The following TGM4 variants were observed in gnomAD, a reference collection of about 807,000 sequenced individuals.
TGM4 encodes the protein transglutaminase 4, also known as protein-glutamine gamma-glutamyltransferase 4.
Under a neutral mutation model 76.3 loss-of-function variants are expected in TGM4, and 61 were observed. That is an observed-to-expected ratio of 0.80 (90% CI 0.65 to 0.99). The LOEUF (loss-of-function observed/expected upper bound fraction) is 0.99. Among genes scored for constraint, TGM4 ranks in the 50% least tolerant of loss-of-function variants. The probability of loss-of-function intolerance (pLI) is 0.00; values close to 1 mark genes in which losing one functional copy is unlikely to be tolerated. For missense variants in TGM4, 794 were observed against 843.2 expected (o/e 0.94, Z 0.72); for synonymous variants, 337 against 329.8 (o/e 1.02, Z -0.24).
At chr3:44,901,413 C>G (rs574641886) in intron 6 of TGM4, 111 bp from the exon 7 acceptor site, 186 of 1,311,062 alleles carry the variant, frequency 1.4e-4, no homozygotes, top group Non-Finnish European at 1.8e-4. Flanking sequence ...CCTCCAAGTA[C>G]TCTGAGACAT....
At chr3:44,886,483 A>G (rs1475496805) in intron 2 of TGM4, among the ~76,000 whole-genome samples, 1 of 152,196 alleles carries the variant, frequency 6.6e-6, no homozygotes, top group African/African-American at 2.4e-5. Flanking sequence ...CAGTCAGAAC[A>G]GCCTCCATTC....
At position 44,890,592 on chromosome 3, in the gene TGM4, G is replaced by T. The variant is rs1374111173; in HGVS notation, c.301-11G>T. On this transcript the variant is annotated splice_polypyrimidine_tract_variant and intron_variant, in intron 3 of 13. Coordinates refer to ENST00000296125, the MANE Select transcript of TGM4 (RefSeq NM_003241.4). ...GGGGGAGATGTCCACCTTATCTTAT[G>T]GTTTGCTCAGGTCACAGTGGCTGTC... The T allele has an allele frequency of 6.2e-7, 1 of 1,613,520 alleles. No homozygotes were observed. Among genetic ancestry groups the T allele is most frequent in the Admixed American group, 1.7e-5 (1 of 59,946 alleles).
intron 4 of TGM4, among the ~76,000 whole-genome samples, chr3:44,891,512 T>TACAC (rs9311363): frequency 2.0e-4 from 29 of 148,124 alleles, no homozygotes; most frequent in East Asian, 1.2e-3. Context: ...CTCCCTCCTC[T>TACAC]ACACACACAC....
intron 5 of TGM4, among the ~76,000 whole-genome samples, chr3:44,895,527 G>A (rs1050656646): frequency 1.8e-4 from 27 of 152,292 alleles, no homozygotes; most frequent in Non-Finnish European, 3.2e-4. Context: ...GAGCTGTGGG[G>A]AGGGGGGACT....
intron 6 of TGM4, among the ~76,000 whole-genome samples, chr3:44,900,001 G>A (rs1382022570): frequency 1.3e-5 from 2 of 152,172 alleles, no homozygotes; most frequent in Admixed American, 6.5e-5. Context: ...ACTGGGTCTA[G>A]GAGAGGGGAT....
In TGM4 at chr3:44,911,018, A is replaced by G; in HGVS notation, c.1667A>G (p.Asp556Gly). Reference protein sequence around the residue: ...KTYINSLAILDDEPVIRGFII... With the variant: ...KTYINSLAILGDEPVIRGFII... ...TACATCAACAGCCTGGCTATATTAGATGATGAGCCAGTTATCAGAGGTTTC... is the reference window on the plus strand; with the variant it reads ...TACATCAACAGCCTGGCTATATTAGGTGATGAGCCAGTTATCAGAGGTTTC... Residue 556 changes from aspartate to glycine, a missense_variant, in exon 12 of 14, where the codon GAT becomes GGT. Transcript: ENST00000296125. The G allele has an allele frequency of 2.5e-6, 4 of 1,614,180 alleles. No individual in the cohort carries two copies. The Middle Eastern group carries it at 4.9e-4, about 200-fold the overall frequency.
rs1700002106 is a variant in TGM4, at chr3:44,911,285, A to G, written c.1792A>G (p.Arg598Gly). ...EFSIELPNTG[R>G]IGQLLVCNCI... ...CCTACTACAGTTGCCTAACACAGGCAGAATTGGCCAGCTACTTGTCTGCAA... is the reference window on the plus strand; with the variant it reads ...CCTACTACAGTTGCCTAACACAGGCGGAATTGGCCAGCTACTTGTCTGCAA... The change falls in exon 13 of 14, where the codon AGA becomes GGA. Residue 598 changes from arginine to glycine, a missense_variant. Coordinates refer to ENST00000296125, the MANE Select transcript of TGM4 (RefSeq NM_003241.4). 9 of 1,614,112 alleles carry G rather than the reference A, an allele frequency of 5.6e-6. No individual in the cohort carries two copies. Among genetic ancestry groups the G allele is most frequent in the Non-Finnish European group, 6.8e-6 (8 of 1,180,046 alleles).
chr3:44,885,285 T>C, intron 1 of TGM4, 40 bp from the exon 2 acceptor site: 1 of 1,559,034 alleles, frequency 6.4e-7, no homozygotes, highest in Non-Finnish European at 8.7e-7. Flanking sequence ...GAATAAACAT[T>C]CTCTGTGCTC....
chr3:44,883,197 C>T (rs1409633477), intron 1 of TGM4, among the ~76,000 whole-genome samples: 2 of 152,176 alleles, frequency 1.3e-5, no homozygotes, highest in African/African-American at 2.4e-5. Context: ...AATGAAGAAG[C>T]CTTTCAGGAT....
chr3:44,884,503 G>A (rs1263280221), intron 1 of TGM4, among the ~76,000 whole-genome samples: 5 of 151,916 alleles, frequency 3.3e-5, no homozygotes, highest in African/African-American at 9.7e-5. Flanking sequence ...TTTTTTGGGG[G>A]GGATGGAGTC....
intron 12 of TGM4, 57 bp downstream of exon 12, chr3:44,911,184 G>A: frequency 6.2e-7 from 1 of 1,610,366 alleles, no homozygotes. Context: ...GCCATGGAGT[G>A]TGACGGGGCC....
intron 8 of TGM4, among the ~76,000 whole-genome samples, chr3:44,902,389 G>T (rs373225949): frequency 6.6e-6 from 1 of 152,168 alleles, no homozygotes; most frequent in Admixed American, 6.5e-5. Flanking sequence ...TGGATCACGA[G>T]GTCAGGAGAT....
chr3:44,903,918 C>G lies in TGM4; in HGVS notation c.1006C>G (p.Arg336Gly). The G allele has an allele frequency of 6.2e-7, 1 of 1,614,166 alleles. No individual in the cohort carries two copies. The highest frequency in any genetic ancestry group is 8.5e-7 in the Non-Finnish European group (1 of 1,180,038). ...TGTGTGGACGGATGCCTGGATGAAGCGACCGGATCTGCCCAAGGGCTACGA... is the reference window on the plus strand; with the variant it reads ...TGTGTGGACGGATGCCTGGATGAAGGGACCGGATCTGCCCAAGGGCTACGA... The part of the protein sequence containing the change: ...FHVWTDAWMK[R>G]PDLPKGYDGW... The change falls in exon 9 of 14, where the codon CGA (arginine) becomes GGA (glycine). Residue 336 changes from arginine (R) to glycine (G), a missense_variant. Arg to Gly is a moderately radical substitution (Grantham distance 125). Transcript: ENST00000296125.
chr3:44,897,643 C>T (rs1310506936), intron 6 of TGM4, among the ~76,000 whole-genome samples: 1 of 152,106 alleles, frequency 6.6e-6, no homozygotes, highest in East Asian at 1.9e-4. Context: ...GACCTCTTTG[C>T]ACTTTTAAAA....
chr3:44,911,220 T>G, intron 12 of TGM4, 50 bp from the exon 13 acceptor site: 1 of 1,611,592 alleles, frequency 6.2e-7, no homozygotes, highest in Non-Finnish European at 8.5e-7. Context: ...GGTCCTTGGT[T>G]GGCTCATGCA....
chr3:44,910,623 T>A (rs1699990732), intron 11 of TGM4, among the ~76,000 whole-genome samples: 1 of 152,170 alleles, frequency 6.6e-6, no homozygotes, highest in Non-Finnish European at 1.5e-5. Context: ...GAAAGTGTCA[T>A]GAGAAGTCTT....
chr3:44,898,442 G>A (rs1442414334), intron 6 of TGM4, among the ~76,000 whole-genome samples: 1 of 152,174 alleles, frequency 6.6e-6, no homozygotes, highest in African/African-American at 2.4e-5. Context: ...GTACACTTAT[G>A]AGAGAATGAG....
intron 5 of TGM4, among the ~76,000 whole-genome samples, chr3:44,895,082 C>T (rs906186404): frequency 6.6e-6 from 1 of 151,282 alleles, no homozygotes; most frequent in Non-Finnish European, 1.5e-5. Context: ...GATCATGAGG[C>T]CCGGAGATCG....
At chr3:44,889,281 G>A (rs1699656222) in intron 3 of TGM4, 1 of 151,928 alleles carries the variant, frequency 6.6e-6, no homozygotes, top group South Asian at 2.1e-4. Context: ...TTGACCCCAG[G>A]AGTTCAATGC....
Sources: gnomAD v4.1 joint callset for allele counts (sites outside exome capture counted in the v4.1 genomes callset) on GRCh38, gnomAD v4.1.1 for gene constraint, MANE v1.5 for transcripts, NCBI Gene and HGNC (gene_info 2026-07-23, HGNC 2026-07-21) for gene names.